Variants in AUTS2 observed in about 807,000 individuals in gnomAD.
The protein encoded by AUTS2 is activator of transcription and developmental regulator AUTS2, also known as autism susceptibility gene 2 protein.
A neutral mutation model predicts 112.4 loss-of-function variants in AUTS2; 17 were observed. The observed-to-expected ratio is 0.15, with a 90% CI of 0.10 to 0.23. The LOEUF is 0.23. Among genes scored for constraint, AUTS2 ranks in the 10% least tolerant of loss-of-function variants. AUTS2 has a pLI of 1.00. For missense variants in AUTS2, 1,510 were observed against 1,701.6 expected, an observed-to-expected ratio of 0.89 and a Z score of 1.98; for synonymous variants, 751 against 702.7, an observed-to-expected ratio of 1.07 and a Z score of -1.09.
intron 2 of AUTS2, among the ~76,000 whole-genome samples, chr7:69,960,902 A>G (rs1478857877): frequency 6.6e-6 from 1 of 151,866 alleles, no homozygotes; most frequent in African/African-American, 2.4e-5. Flanking sequence ...ATTGATTTGC[A>G]CTTTTGGGAT....
chr7:69,992,520 G>A (rs1798780212), intron 2 of AUTS2, among the ~76,000 whole-genome samples: 1 of 152,260 alleles, frequency 6.6e-6, no homozygotes, highest in South Asian at 2.1e-4. Context: ...ATCCAGGAAG[G>A]CCTTTTAAAG....
intron 4 of AUTS2, among the ~76,000 whole-genome samples, chr7:70,395,816 T>C (rs1187289984): frequency 6.6e-6 from 1 of 152,234 alleles, no homozygotes; most frequent in Non-Finnish European, 1.5e-5. Context: ...ATCTGGGAAC[T>C]GCACTTAACT....
At chr7:70,162,994 A>G (rs1340839855) in intron 4 of AUTS2, among the ~76,000 whole-genome samples, 1 of 152,144 alleles carries the variant, frequency 6.6e-6, no homozygotes, top group Non-Finnish European at 1.5e-5. Context: ...AAAATGTTAT[A>G]CTAGGTGGGG....
rs530759719 is a variant in AUTS2, at chr7:70,731,809, T to TC, written c.743-31054dup. 5.5e-3 allele frequency among the ~76,000 whole-genome samples: 839 copies of TC among 151,276 alleles called. 11 individuals are homozygous for TC. The highest frequency in any genetic ancestry group is 0.019 in the African/African-American group (794 of 41,184). ...TTCTTCCTCCCCTTCCCCTCCGCCA[T>TC]CCCCCCCGCACAAATAGACAATTTT... On this transcript the variant is annotated intron_variant, in intron 6 of 18. Coordinates refer to ENST00000342771, the MANE Select transcript of AUTS2 (RefSeq NM_015570.4).
chr7:69,786,176 A>G (rs577734284), intron 1 of AUTS2, among the ~76,000 whole-genome samples: 1 of 152,202 alleles, frequency 6.6e-6, no homozygotes, highest in South Asian at 2.1e-4. Flanking sequence ...GTGTCTGGCT[A>G]AAGGATTGTA....
At chr7:69,882,280 C>A (rs1368443112) in intron 1 of AUTS2, among the ~76,000 whole-genome samples, 1 of 151,762 alleles carries the variant, frequency 6.6e-6, no homozygotes, top group East Asian at 1.9e-4. Context: ...TTGAGACCAG[C>A]CTGGGCAACA....
At chr7:70,303,442 A>G (rs1020051777) in intron 4 of AUTS2, among the ~76,000 whole-genome samples, 5 of 136,350 alleles carry the variant, frequency 3.7e-5, no homozygotes, top group Admixed American at 7.0e-5. Flanking sequence ...GCGCACATAC[A>G]CACACACACA....
At chr7:70,778,245 A>G (rs1448841353) in intron 14 of AUTS2, among the ~76,000 whole-genome samples, 1 of 152,172 alleles carries the variant, frequency 6.6e-6, no homozygotes, top group Admixed American at 6.5e-5. Flanking sequence ...CAGTCTGGGT[A>G]TTTATAGGCT....
intron 2 of AUTS2, among the ~76,000 whole-genome samples, chr7:70,096,532 G>A (rs958750950): frequency 7.3e-5 from 11 of 150,514 alleles, no homozygotes; most frequent in African/African-American, 2.7e-4. Context: ...CTGGGAAGTG[G>A]AGTTTGTGGT....
chr7:70,245,167 T>TAAAAA (rs1381698271), intron 4 of AUTS2, among the ~76,000 whole-genome samples: 2 of 137,886 alleles, frequency 1.5e-5, no homozygotes, highest in Non-Finnish European at 3.1e-5. Context: ...TATATATATA[T>TAAAAA]ATAAAAAATA....
rs576073488 is a variant in AUTS2, at chr7:70,226,400, T to C, written c.660+91829T>C. On this transcript the variant is annotated intron_variant, in intron 4 of 18. Transcript: ENST00000342771. ...TTTTGTATTTTCAGTAGAGATGGGG[T>C]TTCACTGTGTTACTCAGGATGGTCT... Among the ~76,000 whole-genome samples, 7 of 143,822 alleles carry C rather than the reference T, an allele frequency of 4.9e-5. No individual in the cohort carries two copies. The East Asian group carries it at 1.4e-3, about 29-fold the overall frequency. The allele number at this position is 143,822 out of a possible 152,430, so 94.4% of individuals were successfully genotyped here.
chr7:69,780,106 T>C (rs1036376700), intron 1 of AUTS2, among the ~76,000 whole-genome samples: 8 of 152,186 alleles, frequency 5.3e-5, no homozygotes, highest in Non-Finnish European at 1.0e-4. Flanking sequence ...TCCTCCCACT[T>C]TGGCCTCCCC....
At chr7:69,940,538 G>T (rs941061650) in intron 2 of AUTS2, among the ~76,000 whole-genome samples, 1 of 152,112 alleles carries the variant, frequency 6.6e-6, no homozygotes, top group Non-Finnish European at 1.5e-5. Context: ...ATGCCACAGG[G>T]GCCAAATCAT....
At chr7:69,726,889 AG>A (rs1179104240) in intron 1 of AUTS2, among the ~76,000 whole-genome samples, 1 of 152,108 alleles carries the variant, frequency 6.6e-6, no homozygotes, top group Non-Finnish European at 1.5e-5. Flanking sequence ...ATTGATTTAT[AG>A]GGCTCTTTAT....
chr7:70,564,044 A>G (rs1262527375), intron 5 of AUTS2, among the ~76,000 whole-genome samples: 1 of 152,224 alleles, frequency 6.6e-6, no homozygotes, highest in Non-Finnish European at 1.5e-5. Context: ...TTAATATATA[A>G]TAAAAAAGTA....
At chr7:70,556,348 C>G (rs772829357) in intron 5 of AUTS2, among the ~76,000 whole-genome samples, 1 of 152,184 alleles carries the variant, frequency 6.6e-6, no homozygotes, top group African/African-American at 2.4e-5. Context: ...GAGATTTAGG[C>G]AGGGACAAAT....
At chr7:70,491,589 T>TGTGTGTGTG (rs1461767874) in intron 5 of AUTS2, among the ~76,000 whole-genome samples, 1 of 138,804 alleles carries the variant, frequency 7.2e-6, no homozygotes, top group Non-Finnish European at 1.5e-5. Context: ...TGTATATATA[T>TGTGTGTGTG]TGTGTGTGTG....
At chr7:70,032,955 AT>A (rs1800846749) in intron 2 of AUTS2, among the ~76,000 whole-genome samples, 1 of 152,156 alleles carries the variant, frequency 6.6e-6, no homozygotes, top group Admixed American at 6.5e-5. Context: ...GTGTGACTAT[AT>A]TTGTATTAAA....
rs531151382 is a variant in AUTS2, at chr7:70,419,143, A to AT, written c.661-16601dup. On this transcript the variant is annotated intron_variant, in intron 4 of 18. Transcript: ENST00000342771. The stretch of plus-strand genomic sequence containing the variant: ...ATTACTTTTGCACCAACCTAATATG[A>AT]TTTTTTTTAAACTTCCCTATGACTG... Among the ~76,000 whole-genome samples, 502 of 152,072 alleles carry AT rather than the reference A, an allele frequency of 3.3e-3. 3 individuals are homozygous for AT. Among genetic ancestry groups the AT allele is most frequent in the African/African-American group, 0.011 (470 of 41,476 alleles).
Sources: gnomAD v4.1 joint callset for allele counts (sites outside exome capture counted in the v4.1 genomes callset) on GRCh38, gnomAD v4.1.1 for gene constraint, MANE v1.5 for transcripts, NCBI Gene and HGNC (gene_info 2026-07-23, HGNC 2026-07-21) for gene names.